VEPH1: variants seen among roughly 807,000 people sequenced by gnomAD.
The protein encoded by VEPH1 is ventricular zone-expressed PH domain-containing protein homolog 1.
In VEPH1, 80 loss-of-function variants were observed where a neutral mutation model predicts 85.2. That is an observed-to-expected ratio of 0.94 (90% CI 0.78 to 1.13). The LOEUF (loss-of-function observed/expected upper bound fraction) is 1.13. Among genes scored for constraint, VEPH1 ranks in the 50% most tolerant of loss-of-function variants. The pLI, the probability that VEPH1 is intolerant of heterozygous loss-of-function variation, is 0.00. For synonymous variants in VEPH1, 297 were observed against 348.0 expected, an observed-to-expected ratio of 0.85 and a Z score of 1.63; for missense variants, 955 against 980.5, an observed-to-expected ratio of 0.97 and a Z score of 0.35.
At chr3:157,300,270 G>A (rs1718638410) in intron 11 of VEPH1, among the ~76,000 whole-genome samples, 1 of 152,146 alleles carries the variant, frequency 6.6e-6, no homozygotes, top group Non-Finnish European at 1.5e-5. Flanking sequence ...ACATTGCAGA[G>A]GGATTGCATA....
chr3:157,502,040 A>G (rs1009191204), intron 1 of VEPH1, among the ~76,000 whole-genome samples: 4 of 152,142 alleles, frequency 2.6e-5, no homozygotes, highest in Non-Finnish European at 5.9e-5. Context: ...GGCTGCATAC[A>G]TTTCAGCCCT....
At chr3:157,474,302 G>A (rs1019284100) in intron 2 of VEPH1, among the ~76,000 whole-genome samples, 9 of 151,268 alleles carry the variant, frequency 5.9e-5, no homozygotes, top group African/African-American at 2.2e-4. Context: ...TAACTCTTGT[G>A]AACTAAATCC....
intron 1 of VEPH1, among the ~76,000 whole-genome samples, chr3:157,499,979 G>GAAAGTACCCTTTAC (rs1739972675): frequency 6.6e-6 from 1 of 152,174 alleles, no homozygotes; most frequent in African/African-American, 2.4e-5. Flanking sequence ...CCTTTACTCT[G>GAAAGTACCCTTTAC]CCTCTAGAGT....
intron 12 of VEPH1, among the ~76,000 whole-genome samples, chr3:157,273,622 T>C (rs1015669721): frequency 2.0e-5 from 3 of 152,166 alleles, no homozygotes; most frequent in African/African-American, 7.2e-5. Context: ...TAACTCATTC[T>C]GGGAGGGAGC....
chr3:157,331,480 A>G (rs1483488661), intron 9 of VEPH1, among the ~76,000 whole-genome samples: 6 of 152,198 alleles, frequency 3.9e-5, no homozygotes, highest in Non-Finnish European at 5.9e-5. Flanking sequence ...TTACGATTCA[A>G]CCAAACCTCA....
At position 157,481,486 on chromosome 3, in the gene VEPH1, A is replaced by AAAAC. The variant is rs57277738; in HGVS notation, c.139-10958_139-10957insGTTT. On this transcript the variant is annotated intron_variant, in intron 2 of 13. Transcript: ENST00000362010. ...CACACAAAAAAAAAAAAAAAAAAAAACAATCCTAAGCAAAAAGAACAAAGT... is the reference window on the plus strand; with the variant it reads ...CACACAAAAAAAAAAAAAAAAAAAAAAAACCAATCCTAAGCAAAAAGAACAAAGT... 2.0e-3 allele frequency among the ~76,000 whole-genome samples: 156 copies of AAAAC among 78,842 alleles called. 1 individual carries two copies. The highest frequency in any genetic ancestry group is 6.9e-3 in the East Asian group (13 of 1,882). The allele number at this position is 78,842 out of a possible 152,430, so 51.7% of individuals were successfully genotyped here.
At chr3:157,307,339 T>C (rs1216553293) in intron 11 of VEPH1, among the ~76,000 whole-genome samples, 1 of 151,990 alleles carries the variant, frequency 6.6e-6, no homozygotes, top group Non-Finnish European at 1.5e-5. Flanking sequence ...ATCCTGGAGC[T>C]ATAAAGATAA....
chr3:157,264,825 C>T (rs1354680590), intron 13 of VEPH1, among the ~76,000 whole-genome samples: 2 of 152,104 alleles, frequency 1.3e-5, no homozygotes, highest in African/African-American at 4.8e-5. Context: ...TTTGATTCCT[C>T]TTGATCCTGA....
intron 9 of VEPH1, among the ~76,000 whole-genome samples, chr3:157,335,591 G>A (rs1353275377): frequency 6.6e-6 from 1 of 152,118 alleles, no homozygotes; most frequent in Non-Finnish European, 1.5e-5. Flanking sequence ...AACCCAAGAA[G>A]ACCAAATGTT....
chr3:157,306,414 A>T (rs1719514725), intron 11 of VEPH1, among the ~76,000 whole-genome samples: 1 of 152,134 alleles, frequency 6.6e-6, no homozygotes, highest in Non-Finnish European at 1.5e-5. Context: ...TAGTATTCAT[A>T]TCATAGTTTT....
Position 157,495,515 on chromosome 3 carries a change from G to A in VEPH1, c.-157-9C>T. The A allele has an allele frequency of 6.9e-7, 1 of 1,439,772 alleles. No homozygotes were observed. The highest frequency in any genetic ancestry group is 9.1e-7 in the Non-Finnish European group (1 of 1,098,214). The allele number at this position is 1,439,772 out of a possible 1,614,324, so 89.2% of individuals were successfully genotyped here. On this transcript the variant is annotated splice_polypyrimidine_tract_variant and intron_variant, in intron 1 of 13. Coordinates refer to ENST00000362010, the MANE Select transcript of VEPH1 (RefSeq NM_001167912.2). ...GTCTTCATTGACACTCTCTGCAAGG[G>A]AAACAAATGACACAATGTAGCCACT...
chr3:157,349,014 T>C (rs1305134328), intron 9 of VEPH1, among the ~76,000 whole-genome samples: 2 of 152,218 alleles, frequency 1.3e-5, no homozygotes, highest in African/African-American at 4.8e-5. Flanking sequence ...GAGGCCAGCA[T>C]ATCCCTGATA....
chr3:157,289,714 T>TG (rs1717235829), intron 11 of VEPH1, among the ~76,000 whole-genome samples: 1 of 152,230 alleles, frequency 6.6e-6, no homozygotes, highest in South Asian at 2.1e-4. Context: ...GCCCAAGAAT[T>TG]GCTATATGGC....
intron 2 of VEPH1, among the ~76,000 whole-genome samples, chr3:157,478,127 C>T (rs1020100369): frequency 6.6e-6 from 1 of 152,156 alleles, no homozygotes; most frequent in African/African-American, 2.4e-5. Context: ...GGAATGGCCT[C>T]ATTCAACATT....
At chr3:157,408,949 G>A (rs1432244144) in intron 6 of VEPH1, among the ~76,000 whole-genome samples, 1 of 152,092 alleles carries the variant, frequency 6.6e-6, no homozygotes, top group Non-Finnish European at 1.5e-5. Flanking sequence ...TAACCCATAG[G>A]CAGTGGATGA....
At chr3:157,318,638 A>C (rs114829646) in intron 9 of VEPH1, among the ~76,000 whole-genome samples, 1 of 144,788 alleles carries the variant, frequency 6.9e-6, no homozygotes, top group African/African-American at 2.5e-5. Context: ...AAAAAAAAGA[A>C]AGAAAGAAAG....
intron 1 of VEPH1, among the ~76,000 whole-genome samples, chr3:157,497,597 G>C (rs1227001449): frequency 3.3e-5 from 5 of 152,176 alleles, no homozygotes; most frequent in Admixed American, 3.3e-4. Context: ...CTGTCAGCTT[G>C]TTGGACATGT....
chr3:157,458,068 C>T (rs914780712), intron 4 of VEPH1, among the ~76,000 whole-genome samples: 37 of 152,146 alleles, frequency 2.4e-4, no homozygotes, highest in Admixed American at 2.1e-3. Flanking sequence ...TTCAGGGATT[C>T]AATTTCTTAC....
chr3:157,494,011 ATGT>A (rs1362070479), intron 2 of VEPH1, among the ~76,000 whole-genome samples: 1 of 152,204 alleles, frequency 6.6e-6, no homozygotes, highest in East Asian at 1.9e-4. Context: ...TACCAGGAAC[ATGT>A]TGTGCTTTGC....
Sources: gnomAD v4.1 joint callset for allele counts (sites outside exome capture counted in the v4.1 genomes callset) on GRCh38, gnomAD v4.1.1 for gene constraint, MANE v1.5 for transcripts, NCBI Gene and HGNC (gene_info 2026-07-23, HGNC 2026-07-21) for gene names.